ANLN: variants seen among roughly 807,000 people sequenced by gnomAD.
ANLN encodes the protein anillin.
Under a neutral mutation model 135.1 loss-of-function variants are expected in ANLN, and 59 were observed. That is an observed-to-expected ratio of 0.44 (90% CI 0.35 to 0.54). ANLN has a LOEUF of 0.54. Ranked by LOEUF, ANLN falls within the 20% of genes least tolerant of loss-of-function variation. The pLI is 0.00. For synonymous variants in ANLN, 406 were observed against 456.4 expected, an observed-to-expected ratio of 0.89 and a Z score of 1.41; for missense variants, 1,182 against 1,340.0, an observed-to-expected ratio of 0.88 and a Z score of 1.84.
chr7:36,441,135 G>A (rs1439298239), intron 21 of ANLN, among the ~76,000 whole-genome samples: 1 of 152,114 alleles, frequency 6.6e-6, no homozygotes. Context: ...TTTGCCTAAT[G>A]ACCTTTTCTT....
chr7:36,436,544 T>G lies in ANLN; in HGVS notation c.2884-2660T>G, dbSNP rs75718186. Among the ~76,000 whole-genome samples the G allele has an allele frequency of 4.3e-3, 649 of 152,342 alleles. 6 individuals are homozygous for G. Among genetic ancestry groups the G allele is most frequent in the African/African-American group, 0.015 (612 of 41,574 alleles). ...TATTTTTAGGAACTGCTAAACTCTT[T>G]TTCAAAGCATCTAGACCATTTGATA... is the stretch of plus-strand genomic sequence containing the variant. On this transcript the variant is annotated intron_variant, in intron 20 of 23. Transcript: ENST00000265748.
chr7:36,415,874 A>G lies in ANLN; in HGVS notation c.1512A>G (p.Thr504=). The G allele has an allele frequency of 4.4e-6, 7 of 1,593,784 alleles. No homozygotes were observed. Among genetic ancestry groups the G allele is most frequent in the Non-Finnish European group, 6.0e-6 (7 of 1,173,200 alleles). The change falls in exon 8 of 24, where the codon ACA becomes ACG. Residue 504 remains threonine, a synonymous_variant. Transcript: ENST00000265748. ...ENQIPAKNSS[T]EPKGFTECEM... ...AGATACCAGCCAAAAATTCTAGTAC[A>G]GAACCTAAAGGTCAGTGTTTCCAGA...
intron 8 of ANLN, 42 bp downstream of exon 8, chr7:36,415,926 C>G: frequency 6.9e-7 from 1 of 1,451,376 alleles, no homozygotes; most frequent in Non-Finnish European, 9.3e-7. Context: ...TGTAGAAACT[C>G]AAATGATGTT....
At chr7:36,420,136 A>G (rs771114842) in intron 10 of ANLN, 33 bp from the exon 11 acceptor site, 18 of 1,587,532 alleles carry the variant, frequency 1.1e-5, no homozygotes, top group African/African-American at 6.8e-5. Flanking sequence ...ATCATTTAGG[A>G]TCAATGTTAA....
Position 36,417,093 on chromosome 7 carries a change from C to A in ANLN, c.1536C>A (p.Cys512Ter). Residue 512 changes from cysteine to a stop codon, truncating the protein, a stop_gained, in exon 9 of 24, where the codon TGC becomes TGA. Transcript: ENST00000265748. LOFTEE classifies it high-confidence loss of function. Reference sequence around the variant, plus strand: ...AAACATTTTTAGGTTTCACTGAATGCGAAATGACGAAATCTAGCCCTTTGA... The same window carrying A: ...AAACATTTTTAGGTTTCACTGAATGAGAAATGACGAAATCTAGCCCTTTGA... ...SSTEPKGFTE[C>*]EMTKSSPLKI... The A allele has an allele frequency of 6.3e-7, 1 of 1,593,306 alleles. No individual in the cohort carries two copies. Among genetic ancestry groups the A allele is most frequent in the South Asian group, 1.1e-5 (1 of 87,144 alleles).
intron 4 of ANLN, among the ~76,000 whole-genome samples, chr7:36,407,322 GTAGT>G (rs1429334222): frequency 1.3e-5 from 2 of 152,080 alleles, no homozygotes; most frequent in Admixed American, 6.5e-5. Context: ...CTATGTATAA[GTAGT>G]TAATCTATTA....
chr7:36,449,530 G>A (rs555936149), intron 22 of ANLN, 135 bp from the exon 23 acceptor site: 1 of 641,018 alleles, frequency 1.6e-6, no homozygotes, highest in South Asian at 2.7e-5. Context: ...GTTTCTCTAA[G>A]CCCAGTGTAA....
At position 36,447,598 on chromosome 7, in the gene ANLN, G is replaced by T. The variant is rs191834568; in HGVS notation, c.3079-2067G>T. On this transcript the variant is annotated intron_variant, in intron 22 of 23. Coordinates refer to ENST00000265748, the MANE Select transcript of ANLN (RefSeq NM_018685.5). Reference sequence around the variant, plus strand: ...CGCCACCATTCCCGGCTAATTTTTTGTATTTTTTTAGTAGAGACGGGGTTT... The same window carrying T: ...CGCCACCATTCCCGGCTAATTTTTTTTATTTTTTTAGTAGAGACGGGGTTT... Among the ~76,000 whole-genome samples the T allele has an allele frequency of 3.4e-4, 51 of 151,642 alleles. 1 individual carries two copies. In the East Asian group the frequency reaches 9.7e-3, roughly 29 times the overall value.
Position 36,453,047 on chromosome 7 carries a change from G to A in ANLN, c.*447G>A, listed in dbSNP as rs3801301. 0.04 allele frequency: 6,071 copies of A among 152,878 alleles called. 170 individuals are homozygous for A. The highest frequency in any genetic ancestry group is 0.069 in the African/African-American group (2,868 of 41,508). 9.5% of individuals were successfully genotyped at this position (152,878 alleles called of 1,614,324 possible). On this transcript the variant is annotated 3_prime_UTR_variant, in exon 24 of 24. Transcript: ENST00000265748. ...GATCGTGATATGACTTGTTACTAGG[G>A]TACTGAAAAAAATGTCTAAGGCCTT...
intron 4 of ANLN, among the ~76,000 whole-genome samples, chr7:36,407,450 A>G (rs900811058): frequency 2.0e-5 from 3 of 152,106 alleles, no homozygotes; most frequent in Admixed American, 2.0e-4. Flanking sequence ...ATATGAATAA[A>G]ACTTTTTTTT....
intron 7 of ANLN, among the ~76,000 whole-genome samples, chr7:36,414,221 C>T (rs752994598): frequency 6.6e-6 from 1 of 152,114 alleles, no homozygotes; most frequent in Non-Finnish European, 1.5e-5. Context: ...CCAGTGAGTG[C>T]AGGCATTTCT....
At chr7:36,417,035 T>C (rs753905875) in intron 8 of ANLN, 45 bp from the exon 9 acceptor site, 1 of 1,005,248 alleles carries the variant, frequency 9.9e-7, no homozygotes, top group East Asian at 2.7e-5. Flanking sequence ...TAGAAAATTA[T>C]AGGTTCTTAT....
rs35428425 is a variant in ANLN, at chr7:36,428,776, A to ATT, written c.2883+1767_2883+1768dup. 7.6e-3 allele frequency among the ~76,000 whole-genome samples: 870 copies of ATT among 114,574 alleles called. 24 individuals carry two copies. The highest frequency in any genetic ancestry group is 0.021 in the African/African-American group (615 of 28,938). The allele number at this position is 114,574 out of a possible 152,430, so 75.2% of individuals were successfully genotyped here. A position where few individuals can be genotyped will look rare whatever the true frequency, so the allele number is the denominator to read the frequency against. ...TTGGTGATGTTTTAAATAAAAGCAG[A>ATT]TTTTTTTTTTTTTTTTTTTTGAGAC... On this transcript the variant is annotated intron_variant, in intron 20 of 23. Coordinates refer to ENST00000265748, the MANE Select transcript of ANLN (RefSeq NM_018685.5).
intron 5 of ANLN, among the ~76,000 whole-genome samples, chr7:36,408,569 A>G (rs1251904739): frequency 1.3e-5 from 2 of 152,208 alleles, no homozygotes; most frequent in Non-Finnish European, 2.9e-5. Flanking sequence ...ACTTGTCTTT[A>G]TGCTAGAAAC....
At chr7:36,422,284 TCTC>T (rs1562804356) in intron 13 of ANLN, among the ~76,000 whole-genome samples, 3 of 28,750 alleles carry the variant, frequency 1.0e-4, no homozygotes, top group African/African-American at 4.4e-4. Context: ...ACACATACAT[TCTC>T]TCTCTCTCTC....
In ANLN at chr7:36,443,856, A is replaced by G. The variant is rs761609956; in HGVS notation, c.3072A>G (p.Lys1024=). ...ISYWTYPDDE[K]RKNPIGRINL... ...ATTGGACTTATCCAGATGATGAGAA[A>G]CGCAAGGTAATTTATATAGTACTGT... Residue 1024 remains lysine, a synonymous_variant, in exon 22 of 24, where the codon AAA becomes AAG. Transcript: ENST00000265748. The G allele has an allele frequency of 4.1e-5, 65 of 1,601,556 alleles. 3 individuals carry two copies. In the South Asian group the frequency reaches 7.1e-4, roughly 17 times the overall value.
intron 5 of ANLN, among the ~76,000 whole-genome samples, chr7:36,409,891 C>T (rs575033575): frequency 4.6e-5 from 7 of 152,074 alleles, no homozygotes; most frequent in African/African-American, 1.2e-4. Context: ...GGGCTGGTCT[C>T]GAACTCCTGA....
chr7:36,424,482 T>G, intron 15 of ANLN, 63 bp from the exon 16 acceptor site: 1 of 1,308,024 alleles, frequency 7.6e-7, no homozygotes, highest in Non-Finnish European at 1.1e-6. Context: ...ATTTGTAGCA[T>G]CATTTTTAAT....
intron 20 of ANLN, among the ~76,000 whole-genome samples, chr7:36,436,453 T>G (rs1210160879): frequency 6.6e-6 from 1 of 152,244 alleles, no homozygotes; most frequent in Non-Finnish European, 1.5e-5. Flanking sequence ...GAGTACCTGT[T>G]TTCAGTTCTT....
Sources: allele counts gnomAD v4.1 joint callset (sites outside exome capture counted in the v4.1 genomes callset), GRCh38; gene constraint gnomAD v4.1.1; transcripts MANE v1.5; gene names NCBI Gene and HGNC (gene_info 2026-07-23, HGNC 2026-07-21).